Variants in EVA1C observed in about 807,000 individuals in gnomAD.
The protein encoded by EVA1C is protein eva-1 homolog C.
EVA1C carries 25 observed loss-of-function variants against 45.4 expected under a neutral mutation model. The observed-to-expected ratio is 0.55, with a 90% CI of 0.40 to 0.77. The LOEUF is 0.77. Ranked by LOEUF, EVA1C falls within the 30% of genes least tolerant of loss-of-function variation. The pLI is 0.00. For missense variants in EVA1C, 479 were observed against 554.8 expected (o/e 0.86, Z 1.37); for synonymous variants, 190 against 221.2 (o/e 0.86, Z 1.25).
intron 1 of EVA1C, among the ~76,000 whole-genome samples, chr21:32,434,463 C>T (rs1442546616): frequency 1.6e-4 from 24 of 151,600 alleles, no homozygotes; most frequent in African/African-American, 5.6e-4. Flanking sequence ...TGGTGGTGGG[C>T]ACCTGTAGTC....
At chr21:32,471,608 G>A (rs2036378470) in intron 4 of EVA1C, among the ~76,000 whole-genome samples, 1 of 150,878 alleles carries the variant, frequency 6.6e-6, no homozygotes, top group Admixed American at 6.6e-5. Flanking sequence ...TTACAGGCGT[G>A]AGCCACTGCG....
chr21:32,494,369 A>C (rs1346934199), intron 4 of EVA1C, among the ~76,000 whole-genome samples: 1 of 152,272 alleles, frequency 6.6e-6, no homozygotes, highest in Non-Finnish European at 1.5e-5. Context: ...CAAAATAAAC[A>C]AACAAATAAT....
In EVA1C at chr21:32,474,493, G is replaced by A. The variant is rs377670736; in HGVS notation, c.634+6645G>A. Among the ~76,000 whole-genome samples the A allele has an allele frequency of 1.1e-3, 167 of 152,246 alleles. No homozygotes were observed. Among genetic ancestry groups the A allele is most frequent in the African/African-American group, 3.7e-3 (155 of 41,544 alleles). On this transcript the variant is annotated intron_variant, in intron 4 of 7. Transcript: ENST00000300255. The surrounding 1 kb of genome is among the most constrained non-coding windows in gnomAD (Gnocchi z 4.4). ...TCTCAGAGAGGTTTCTCCAGGCACC[G>A]GCCAGCATGGCACCTCGTCCCTGCA...
At chr21:32,471,390 G>A (rs2036370201) in intron 4 of EVA1C, among the ~76,000 whole-genome samples, 2 of 148,416 alleles carry the variant, frequency 1.3e-5, no homozygotes, top group Non-Finnish European at 3.0e-5. Context: ...GCAGTGGCAC[G>A]ATCTCGGCTC....
intron 1 of EVA1C, among the ~76,000 whole-genome samples, chr21:32,436,230 A>G (rs898976543): frequency 1.3e-5 from 2 of 151,846 alleles, no homozygotes; most frequent in African/African-American, 2.4e-5. Context: ...CACCCGCCTA[A>G]TTTTTGTATT....
At chr21:32,437,629 C>T (rs796531794) in intron 1 of EVA1C, among the ~76,000 whole-genome samples, 8 of 152,290 alleles carry the variant, frequency 5.3e-5, no homozygotes, top group African/African-American at 1.4e-4. Flanking sequence ...TCCCTCTGAG[C>T]CTTTGCACAC....
intron 4 of EVA1C, among the ~76,000 whole-genome samples, chr21:32,472,212 G>T (rs983789462): frequency 1.3e-5 from 2 of 152,270 alleles, no homozygotes; most frequent in South Asian, 4.1e-4. Context: ...ACGCTGGAGT[G>T]CAATGGTGTG....
At chr21:32,475,455 A>AG (rs368127397) in intron 4 of EVA1C, among the ~76,000 whole-genome samples, 28 of 151,018 alleles carry the variant, frequency 1.9e-4, no homozygotes, top group African/African-American at 6.8e-4. Context: ...TCAGCTAAAA[A>AG]GTTCTTACTT....
rs2037387851 is a variant in EVA1C, at chr21:32,497,395, C to T, written c.778+2225C>T. On this transcript the variant is annotated intron_variant, in intron 5 of 7. Transcript: ENST00000300255. Reference sequence around the variant, plus strand: ...AAACTTTTTTCAGGTGAACTTCTCCCCATTTAGTTATTCAGAAGACAAGGT... The same window carrying T: ...AAACTTTTTTCAGGTGAACTTCTCCTCATTTAGTTATTCAGAAGACAAGGT... The T allele has an allele frequency of 8.5e-6, 3 of 351,996 alleles. No individual in the cohort carries two copies. In the South Asian group the frequency reaches 8.8e-5, roughly 10 times the overall value. The allele number at this position is 351,996 out of a possible 1,614,324, so 21.8% of individuals were successfully genotyped here. A position where few individuals can be genotyped will look rare whatever the true frequency, so the allele number is the denominator to read the frequency against.
At chr21:32,498,383 T>C (rs1338258031) in intron 5 of EVA1C, among the ~76,000 whole-genome samples, 2 of 150,540 alleles carry the variant, frequency 1.3e-5, no homozygotes, top group African/African-American at 4.9e-5. Flanking sequence ...GGAGGCGGAG[T>C]TGGCAGTGAG....
chr21:32,504,449 C>T (rs2037658184), intron 7 of EVA1C, among the ~76,000 whole-genome samples: 2 of 152,128 alleles, frequency 1.3e-5, no homozygotes, highest in South Asian at 4.2e-4. Flanking sequence ...AGTGTTATTC[C>T]TAATAGTTGT....
At chr21:32,500,875 G>A (rs1429193820) in intron 5 of EVA1C, among the ~76,000 whole-genome samples, 2 of 151,678 alleles carry the variant, frequency 1.3e-5, no homozygotes, top group Non-Finnish European at 2.9e-5. Context: ...GCAGTGGTGC[G>A]CTCTTCGCTC....
chr21:32,487,211 G>A (rs2146374116), intron 4 of EVA1C, among the ~76,000 whole-genome samples: 1 of 152,274 alleles, frequency 6.6e-6, no homozygotes, highest in East Asian at 1.9e-4. Context: ...TGGGGGGCTG[G>A]TTGTCAAGGG....
chr21:32,425,266 C>T lies in EVA1C; in HGVS notation c.160+12253C>T, dbSNP rs150712648. ...AGGAGAATCGCTTGAACCCAGGAGG[C>T]GGAGGTTATAGTGAGCCGAGATCAC... is the stretch of plus-strand genomic sequence containing the variant. On this transcript the variant is annotated intron_variant, in intron 1 of 7. Coordinates refer to ENST00000300255, the MANE Select transcript of EVA1C (RefSeq NM_058187.5). 2.4e-3 allele frequency among the ~76,000 whole-genome samples: 330 copies of T among 135,940 alleles called. 3 individuals carry two copies. The highest frequency in any genetic ancestry group is 8.9e-3 in the African/African-American group (318 of 35,612). The allele number at this position is 135,940 out of a possible 152,430, so 89.2% of individuals were successfully genotyped here.
intron 1 of EVA1C, among the ~76,000 whole-genome samples, chr21:32,440,305 C>G (rs970099477): frequency 6.6e-6 from 1 of 152,174 alleles, no homozygotes; most frequent in Non-Finnish European, 1.5e-5. Flanking sequence ...GAGGATTACG[C>G]TGTGTCCCGA....
rs149693613 is a variant in EVA1C, at chr21:32,415,157, C to T, written c.160+2144C>T. On this transcript the variant is annotated intron_variant, in intron 1 of 7. Coordinates refer to ENST00000300255, the MANE Select transcript of EVA1C (RefSeq NM_058187.5). ...TTGCCGCCTGTGTTCCTGGGACAGT[C>T]GGTCCTGTTCCTTTTTATGAACTTG... 5.3e-3 allele frequency among the ~76,000 whole-genome samples: 805 copies of T among 152,246 alleles called. 9 individuals carry two copies. Among genetic ancestry groups the T allele is most frequent in the African/African-American group, 0.018 (753 of 41,534 alleles).
chr21:32,415,368 T>C lies in EVA1C; in HGVS notation c.160+2355T>C, dbSNP rs571207084. ...GAGGAAACTTGGGATCCCTCTGCCCTGTGAAGGAGGAGGGAGGATGGTGTA... is the reference window on the plus strand; with the variant it reads ...GAGGAAACTTGGGATCCCTCTGCCCCGTGAAGGAGGAGGGAGGATGGTGTA... On this transcript the variant is annotated intron_variant, in intron 1 of 7. Transcript: ENST00000300255. Among the ~76,000 whole-genome samples the C allele has an allele frequency of 2.0e-5, 3 of 152,224 alleles. No homozygotes were observed. In the East Asian group the frequency reaches 5.8e-4, roughly 29 times the overall value.
At chr21:32,446,411 T>C (rs2035366557) in intron 1 of EVA1C, among the ~76,000 whole-genome samples, 1 of 152,232 alleles carries the variant, frequency 6.6e-6, no homozygotes, top group South Asian at 2.1e-4. Context: ...GTAAAAGCTC[T>C]GGCTGAAACT....
At chr21:32,463,036 C>T (rs961314338) in intron 3 of EVA1C, among the ~76,000 whole-genome samples, 2 of 152,128 alleles carry the variant, frequency 1.3e-5, no homozygotes, top group African/African-American at 2.4e-5. Context: ...AGGGTCTCCC[C>T]GACCGAGCTG....
Sources: allele counts gnomAD v4.1 joint callset (sites outside exome capture counted in the v4.1 genomes callset), GRCh38; gene constraint gnomAD v4.1.1; non-coding constraint Gnocchi (gnomAD v3.1); transcripts MANE v1.5; gene names NCBI Gene and HGNC (gene_info 2026-07-23, HGNC 2026-07-21).